Variants in LNX1 observed in about 807,000 individuals in gnomAD.
The protein encoded by LNX1 is E3 ubiquitin-protein ligase LNX.
Under a neutral mutation model 68.4 loss-of-function variants are expected in LNX1, and 54 were observed. That is an observed-to-expected ratio of 0.79 (90% confidence interval 0.63 to 0.99). The LOEUF is 0.99. Ranked by LOEUF, LNX1 falls within the 50% of genes least tolerant of loss-of-function variation. The pLI, the probability that LNX1 is intolerant of heterozygous loss-of-function variation, is 0.00. For synonymous variants in LNX1, 336 were observed against 350.0 expected (o/e 0.96, Z 0.45); for missense variants, 906 against 926.4 (o/e 0.98, Z 0.29).
At chr4:53,567,207 A>T (rs1730759757) in intron 2 of LNX1, among the ~76,000 whole-genome samples, 1 of 145,188 alleles carries the variant, frequency 6.9e-6, no homozygotes. Flanking sequence ...TTTCAGCACC[A>T]CACCACACCT....
At chr4:53,532,336 C>T (rs1252460561) in intron 2 of LNX1, among the ~76,000 whole-genome samples, 17 of 152,054 alleles carry the variant, frequency 1.1e-4, no homozygotes, top group South Asian at 4.2e-4. Flanking sequence ...ATTAGCCGGG[C>T]GTGTTGGCAC....
At chr4:53,614,920 A>G (rs1733630474) in intron 2 of LNX1, among the ~76,000 whole-genome samples, 1 of 152,156 alleles carries the variant, frequency 6.6e-6, no homozygotes, top group African/African-American at 2.4e-5. Flanking sequence ...ATTTTACTAA[A>G]ACATGTATTC....
rs912059763 is a variant in LNX1 at position 53,567,931 on chromosome 4, C to T, written c.380+5692G>A. ...TAAATTCCTTGACACATACACTCTCCCAAGACTAAACCAGGAAGAAGTTGA... is the reference window on the plus strand; with the variant it reads ...TAAATTCCTTGACACATACACTCTCTCAAGACTAAACCAGGAAGAAGTTGA... On this transcript the variant is annotated intron_variant, in intron 2 of 10. Coordinates refer to ENST00000263925, the MANE Select transcript of LNX1 (RefSeq NM_001126328.3). Among the ~76,000 whole-genome samples the T allele has an allele frequency of 1.1e-3, 166 of 151,960 alleles. 1 individual carries two copies. Among genetic ancestry groups the T allele is most frequent in the Admixed American group, 9.0e-3 (138 of 15,280 alleles).
intron 2 of LNX1, among the ~76,000 whole-genome samples, chr4:53,540,180 G>A (rs1297728187): frequency 2.0e-5 from 3 of 152,028 alleles, no homozygotes. Context: ...TCAGGAGTTT[G>A]AGACCAGTCT....
chr4:53,646,691 A>G (rs745456503), intron 1 of LNX1, among the ~76,000 whole-genome samples: 9 of 152,260 alleles, frequency 5.9e-5, no homozygotes, highest in Non-Finnish European at 8.8e-5. Flanking sequence ...TAAAAACACT[A>G]TGCTGGCCAG....
intron 2 of LNX1, among the ~76,000 whole-genome samples, chr4:53,600,831 AG>A (rs1239392190): frequency 6.7e-6 from 1 of 150,242 alleles, no homozygotes; most frequent in African/African-American, 2.4e-5. Flanking sequence ...CCTGGGTTCA[AG>A]CGATTTTCCT....
chr4:53,636,155 T>A (rs563730933), intron 1 of LNX1, among the ~76,000 whole-genome samples: 2 of 143,394 alleles, frequency 1.4e-5, no homozygotes, highest in African/African-American at 5.1e-5. Context: ...AAGAGGGATC[T>A]CAGAGACTGC....
At chr4:53,519,880 C>T (rs1324122779) in intron 2 of LNX1, among the ~76,000 whole-genome samples, 1 of 152,190 alleles carries the variant, frequency 6.6e-6, no homozygotes, top group Non-Finnish European at 1.5e-5. Flanking sequence ...CTCAGATTGC[C>T]CAGGACTGAC....
At chr4:53,641,172 G>T (rs189422545) in intron 1 of LNX1, among the ~76,000 whole-genome samples, 1 of 142,188 alleles carries the variant, frequency 7.0e-6, no homozygotes, top group Admixed American at 7.4e-5. Flanking sequence ...GATCCAAGCT[G>T]CTTGGCCACT....
At position 53,493,635 on chromosome 4, in the gene LNX1, T is replaced by C. The variant is rs1373171449; in HGVS notation, c.1350+2388A>G. On this transcript the variant is annotated intron_variant, in intron 6 of 10. Transcript: ENST00000263925. ...GATCTCAGGTGCAGGCAAATTTATT[T>C]GTGTTTAGATAACCAAGTCCTTGAA... is the stretch of plus-strand genomic sequence containing the variant. Among the ~76,000 whole-genome samples the C allele has an allele frequency of 2.6e-5, 4 of 152,344 alleles. No homozygotes were observed. In the South Asian group the frequency reaches 6.2e-4, roughly 24 times the overall value.
chr4:53,573,581 G>T, intron 2 of LNX1, 42 bp downstream of exon 2: 2 of 1,429,782 alleles, frequency 1.4e-6, no homozygotes, highest in South Asian at 2.5e-5. Context: ...CAGCTGTCCC[G>T]CTTGGGGGTG....
intron 2 of LNX1, among the ~76,000 whole-genome samples, chr4:53,606,493 A>C (rs1733241888): frequency 6.6e-6 from 1 of 152,050 alleles, no homozygotes; most frequent in Non-Finnish European, 1.5e-5. Flanking sequence ...AAACAAAAAA[A>C]AAACAGAACA....
intron 1 of LNX1, among the ~76,000 whole-genome samples, chr4:53,591,003 G>T (rs2109821014): frequency 6.6e-6 from 1 of 152,326 alleles, no homozygotes; most frequent in African/African-American, 2.4e-5. Context: ...TCTGAATCCA[G>T]TCTGCACTGG....
chr4:53,559,864 G>A (rs555474007), intron 2 of LNX1, among the ~76,000 whole-genome samples: 5 of 151,332 alleles, frequency 3.3e-5, no homozygotes, highest in African/African-American at 1.2e-4. Flanking sequence ...GTCCCTCTAT[G>A]TTGCCCAGGC....
chr4:53,634,748 C>T (rs536185522), intron 1 of LNX1, among the ~76,000 whole-genome samples: 1 of 152,026 alleles, frequency 6.6e-6, no homozygotes, highest in Admixed American at 6.6e-5. Context: ...CGAGGGGTGG[C>T]GGTTTACTAA....
chr4:53,462,283 T>C (rs139953981), intron 9 of LNX1, among the ~76,000 whole-genome samples: 2 of 152,132 alleles, frequency 1.3e-5, no homozygotes, highest in African/African-American at 4.8e-5. Context: ...TCAACTAAAA[T>C]AGCAAATGAG....
chr4:53,600,710 TTTTTTATTTTTA>T (rs144948760), intron 2 of LNX1, among the ~76,000 whole-genome samples: 4 of 150,786 alleles, frequency 2.7e-5, no homozygotes, highest in East Asian at 2.0e-4. Flanking sequence ...CGGCCTCTGT[TTTTTTATTTTTA>T]TTTTTATTTT....
At position 53,551,543 on chromosome 4, in the gene LNX1, C is replaced by T. The variant is rs1729517720; in HGVS notation, c.380+22080G>A. 2.6e-5 allele frequency among the ~76,000 whole-genome samples: 4 copies of T among 152,238 alleles called. No homozygotes were observed. The South Asian group carries it at 8.3e-4, about 32-fold the overall frequency. On this transcript the variant is annotated intron_variant, in intron 2 of 10. Transcript: ENST00000263925. The stretch of plus-strand genomic sequence containing the variant: ...GAAAAAGCCCTCAAGTGAGCACGTA[C>T]ACAACTTCAGTAAACACACTGCGCA...
At chr4:53,608,771 TATGCAGCCATAAAAAGA>T (rs1409432043) in intron 2 of LNX1, among the ~76,000 whole-genome samples, 1 of 152,094 alleles carries the variant, frequency 6.6e-6, no homozygotes, top group Non-Finnish European at 1.5e-5. Context: ...CACAGAATAC[TATGCAGCCATAAAAAGA>T]ATGAGATCAT....
Sources: gnomAD v4.1 joint callset for allele counts (sites outside exome capture counted in the v4.1 genomes callset) on GRCh38, gnomAD v4.1.1 for gene constraint, MANE v1.5 for transcripts, NCBI Gene and HGNC (gene_info 2026-07-23, HGNC 2026-07-21) for gene names.